TBC1D9: variants seen among roughly 807,000 people sequenced by gnomAD.
The protein encoded by TBC1D9 is TBC1 domain family member 9.
A neutral mutation model predicts 132.0 loss-of-function variants in TBC1D9; 63 were observed. That is an observed-to-expected ratio of 0.48 (90% confidence interval 0.39 to 0.59). The LOEUF (loss-of-function observed/expected upper bound fraction) is 0.59, where lower values mean the gene tolerates loss of function less well. TBC1D9 is among the 20% of genes least tolerant of loss of function. TBC1D9 has a pLI of 0.00. For synonymous variants in TBC1D9, 610 were observed against 609.9 expected, an observed-to-expected ratio of 1.00 and a Z score of 0.00; for missense variants, 1,261 against 1,592.7, an observed-to-expected ratio of 0.79 and a Z score of 3.54.
chr4:140,634,557 C>G (rs899373850), intron 15 of TBC1D9, among the ~76,000 whole-genome samples: 1 of 152,084 alleles, frequency 6.6e-6, no homozygotes, highest in African/African-American at 2.4e-5. Context: ...AAATAGAATG[C>G]TACTTGAAAA....
At chr4:140,753,842 C>A (rs1203545428) in intron 1 of TBC1D9, among the ~76,000 whole-genome samples, 1 of 152,188 alleles carries the variant, frequency 6.6e-6, no homozygotes, top group Non-Finnish European at 1.5e-5. Context: ...AATGAACTTA[C>A]ATTAGAATCA....
chr4:140,622,406 G>C lies in TBC1D9; in HGVS notation c.3590C>G (p.Ala1197Gly). 1 of 1,612,784 alleles carries C rather than the reference G, an allele frequency of 6.2e-7. No homozygotes were observed. The highest frequency in any genetic ancestry group is 1.7e-5 in the Admixed American group (1 of 59,918). The change falls in exon 21 of 21, where the codon GCG (alanine) becomes GGG (glycine). Residue 1197 changes from alanine (A) to glycine (G), a missense_variant. Physicochemically the swap from Ala to Gly is moderately conservative, Grantham distance 60. Coordinates refer to ENST00000442267, the MANE Select transcript of TBC1D9 (RefSeq NM_015130.3). The part of the protein sequence containing the change: ...TVLVRSGQGT[A>G]ALPRSTSLDR... Reference sequence around the variant, plus strand: ...CAGGCTGGTGCTCCGGGGCAGTGCCGCCGTGCCCTGGCCGCTCCGCACCAG... The same window carrying C: ...CAGGCTGGTGCTCCGGGGCAGTGCCCCCGTGCCCTGGCCGCTCCGCACCAG...
intron 5 of TBC1D9, 30 bp from the exon 6 acceptor site, chr4:140,677,131 GA>G (rs1427580994): frequency 2.5e-6 from 4 of 1,609,644 alleles, no homozygotes; most frequent in Non-Finnish European, 3.4e-6. Flanking sequence ...ATTCACATAA[GA>G]AAAATGTTTC....
intron 13 of TBC1D9, chr4:140,643,022 G>C (rs915996572): frequency 1.1e-6 from 1 of 905,540 alleles, no homozygotes; most frequent in African/African-American, 1.7e-5. Flanking sequence ...TGTCCTCCAC[G>C]GAGGACTTCA....
At chr4:140,708,224 T>C (rs1242652136) in intron 1 of TBC1D9, among the ~76,000 whole-genome samples, 1 of 152,192 alleles carries the variant, frequency 6.6e-6, no homozygotes, top group South Asian at 2.1e-4. Flanking sequence ...CCTTAAATAA[T>C]TAAAATTGTC....
At chr4:140,646,689 G>C (rs1486545697) in intron 13 of TBC1D9, among the ~76,000 whole-genome samples, 2 of 152,208 alleles carry the variant, frequency 1.3e-5, no homozygotes, top group African/African-American at 4.8e-5. Flanking sequence ...AATGACCCAG[G>C]CATTCCTTTC....
At position 140,679,809 on chromosome 4, in the gene TBC1D9, A is replaced by G. The variant is rs1737677726; in HGVS notation, c.395T>C (p.Val132Ala). 2 of 1,613,504 alleles carry G rather than the reference A, an allele frequency of 1.2e-6. No individual in the cohort carries two copies. The highest frequency in any genetic ancestry group is 1.7e-6 in the Non-Finnish European group (2 of 1,179,748). Residue 132 changes from valine to alanine, a missense_variant, in exon 4 of 21, where the codon GTA becomes GCA. By Grantham distance (64) the Val-to-Ala change is moderately conservative. Around this residue, in one of 3 missense-constraint regions of TBC1D9, gnomAD observed 550 missense variants for 699.0 expected, o/e 0.79. Coordinates refer to ENST00000442267, the MANE Select transcript of TBC1D9 (RefSeq NM_015130.3). ...IIAEYNKIND[V>A]KEDDDTEKFK... The stretch of plus-strand genomic sequence containing the variant: ...CTTCTCCGTGTCATCATCTTCCTTT[A>G]CATCATTGATTTTGTTGTATTCTGC...
chr4:140,661,860 AT>A lies in TBC1D9; in HGVS notation c.1803+32del, dbSNP rs751347233. 2.1e-5 allele frequency: 33 copies of A among 1,546,120 alleles called. No individual in the cohort carries two copies. The South Asian group carries it at 2.8e-4, about 13-fold the overall frequency. ...GCCAAATGAATAGAAATTTTATTTTATTTTTTTAGCAAAAACCACCTGTGAC... is the reference window on the plus strand; with the variant it reads ...GCCAAATGAATAGAAATTTTATTTTATTTTTTAGCAAAAACCACCTGTGAC... On this transcript the variant is annotated intron_variant, in intron 10 of 20. Coordinates refer to ENST00000442267, the MANE Select transcript of TBC1D9 (RefSeq NM_015130.3).
intron 2 of TBC1D9, among the ~76,000 whole-genome samples, chr4:140,688,138 T>C (rs73859306): frequency 0.029 from 4,385 of 152,078 alleles, 222 homozygotes; most frequent in African/African-American, 0.1. Context: ...AAGAGTCCAG[T>C]GAAAACACTG....
At chr4:140,664,231 T>G (rs1737409968) in intron 9 of TBC1D9, among the ~76,000 whole-genome samples, 1 of 152,234 alleles carries the variant, frequency 6.6e-6, no homozygotes, top group African/African-American at 2.4e-5. Flanking sequence ...ATGAATGAGT[T>G]CATGAAGGCT....
chr4:140,755,520 G>A (rs1738994245), intron 1 of TBC1D9, among the ~76,000 whole-genome samples: 1 of 152,090 alleles, frequency 6.6e-6, no homozygotes, highest in Admixed American at 6.5e-5. Flanking sequence ...GCTGTTGCCA[G>A]TAAAGAAAGT....
intron 16 of TBC1D9, among the ~76,000 whole-genome samples, chr4:140,629,871 CCCACT>C (rs1180562404): frequency 6.6e-6 from 1 of 152,212 alleles, no homozygotes; most frequent in Non-Finnish European, 1.5e-5. Flanking sequence ...ACATTAACCA[CCCACT>C]CTGTGTTAAG....
At chr4:140,650,258 T>C (rs1737168439) in intron 13 of TBC1D9, among the ~76,000 whole-genome samples, 1 of 152,242 alleles carries the variant, frequency 6.6e-6, no homozygotes, top group Non-Finnish European at 1.5e-5. Context: ...AGAAAGTCCA[T>C]GATGAATATT....
intron 2 of TBC1D9, among the ~76,000 whole-genome samples, chr4:140,690,846 G>T (rs915477799): frequency 6.6e-6 from 1 of 152,054 alleles, no homozygotes; most frequent in Non-Finnish European, 1.5e-5. Context: ...AGAACTTTGT[G>T]TATTATTATA....
intron 15 of TBC1D9, among the ~76,000 whole-genome samples, chr4:140,637,384 T>C (rs897407656): frequency 6.6e-6 from 1 of 151,614 alleles, no homozygotes; most frequent in African/African-American, 2.4e-5. Flanking sequence ...GTGATTTCAA[T>C]GACTACCAGA....
rs1737888158 is a variant in TBC1D9 at position 140,692,198 on chromosome 4, A to T, written c.242-5736T>A. Among the ~76,000 whole-genome samples, 3 of 152,210 alleles carry T rather than the reference A, an allele frequency of 2.0e-5. No homozygotes were observed. The South Asian group carries it at 6.2e-4, about 31-fold the overall frequency. ...GTGCATACAAAAATAAAAACCACTCATCACATAGCAGAAAACAAAACAAAA... is the reference window on the plus strand; with the variant it reads ...GTGCATACAAAAATAAAAACCACTCTTCACATAGCAGAAAACAAAACAAAA... On this transcript the variant is annotated intron_variant, in intron 2 of 20. Transcript: ENST00000442267.
intron 7 of TBC1D9, 154 bp downstream of exon 7, chr4:140,670,566 C>T: frequency 4.8e-6 from 3 of 623,102 alleles, no homozygotes; most frequent in South Asian, 4.1e-5. Context: ...ACCCCAAATA[C>T]AAAGTCCTTG....
chr4:140,658,625 C>T (rs1737309010), intron 11 of TBC1D9, among the ~76,000 whole-genome samples: 1 of 152,038 alleles, frequency 6.6e-6, no homozygotes, highest in South Asian at 2.1e-4. Flanking sequence ...GCCTGGCTAA[C>T]ATGGTGAAAC....
chr4:140,625,853 A>C (rs1736699471), intron 18 of TBC1D9, among the ~76,000 whole-genome samples: 1 of 152,214 alleles, frequency 6.6e-6, no homozygotes, highest in South Asian at 2.1e-4. Context: ...AATTTGAATA[A>C]AAAACTGAAA....
Sources: allele counts gnomAD v4.1 joint callset (sites outside exome capture counted in the v4.1 genomes callset), GRCh38; gene constraint gnomAD v4.1.1; regional missense constraint gnomAD v4.1.1; transcripts MANE v1.5; gene names NCBI Gene and HGNC (gene_info 2026-07-23, HGNC 2026-07-21).